ST18: variants seen among roughly 807,000 people sequenced by gnomAD.
ST18 encodes the protein ST18 C2H2C-type zinc finger transcription factor.
ST18 carries 50 observed loss-of-function variants against 110.0 expected under a neutral mutation model. The ratio of observed to expected loss-of-function variants is 0.45; its 90% CI spans 0.36 to 0.58. The LOEUF is 0.58. ST18 is among the 20% of genes least tolerant of loss of function. The pLI is 0.00. For synonymous variants in ST18, 461 were observed against 452.4 expected (o/e 1.02, Z -0.24); for missense variants, 1,306 against 1,280.1 (o/e 1.02, Z -0.31).
chr8:52,157,675 C>T (rs2060368519), intron 15 of ST18, among the ~76,000 whole-genome samples: 1 of 152,046 alleles, frequency 6.6e-6, no homozygotes, highest in Non-Finnish European at 1.5e-5. Flanking sequence ...GTTTAAGAAC[C>T]TCATTTGTTT....
rs1315339203 is a variant in ST18, at chr8:52,145,885, A to G, written c.2053-2840T>C. ...AACTGACAGCCCTAGTTATTTCTCA[A>G]CACTTTCCTTTCGAGATATTTTGAG... is the stretch of plus-strand genomic sequence containing the variant. On this transcript the variant is annotated intron_variant, in intron 16 of 25. Transcript: ENST00000689386. 8.5e-5 allele frequency among the ~76,000 whole-genome samples: 13 copies of G among 152,334 alleles called. No homozygotes were observed. In the East Asian group the frequency reaches 1.5e-3, roughly 18 times the overall value.
intron 2 of ST18, among the ~76,000 whole-genome samples, chr8:52,318,888 G>C (rs1027796056): frequency 1.3e-5 from 2 of 151,612 alleles, no homozygotes; most frequent in Admixed American, 6.6e-5. Flanking sequence ...ATGGACACAT[G>C]GGGGGGTGGG....
At position 52,220,860 on chromosome 8, in the gene ST18, A is replaced by G. The variant is rs563690530; in HGVS notation, c.-264-12T>C. On this transcript the variant is annotated splice_polypyrimidine_tract_variant and intron_variant, in intron 4 of 25. Transcript: ENST00000689386. ...TCCTGAAATTCATTCTATTGAGATA[A>G]GAAATCAAACAAGAAAAGCATATCA... 7 of 152,356 alleles carry G rather than the reference A, an allele frequency of 4.6e-5. No individual in the cohort carries two copies. Among genetic ancestry groups the G allele is most frequent in the Non-Finnish European group, 7.3e-5 (5 of 68,028 alleles). 9.4% of individuals were successfully genotyped at this position (152,356 alleles called of 1,614,324 possible). A position where few individuals can be genotyped will look rare whatever the true frequency, so the allele number is the denominator to read the frequency against.
At chr8:52,239,539 G>A (rs1302138772) in intron 2 of ST18, among the ~76,000 whole-genome samples, 2 of 152,106 alleles carry the variant, frequency 1.3e-5, no homozygotes, top group African/African-American at 4.8e-5. Flanking sequence ...CCTAGATAAG[G>A]TGGAGGTGGT....
At chr8:52,342,582 C>G (rs1377919025) in intron 2 of ST18, among the ~76,000 whole-genome samples, 1 of 152,188 alleles carries the variant, frequency 6.6e-6, no homozygotes, top group Non-Finnish European at 1.5e-5. Context: ...CCTCAGCCAG[C>G]TGGGCAGCAC....
chr8:52,381,369 T>G (rs1834449997), intron 2 of ST18, among the ~76,000 whole-genome samples: 1 of 152,176 alleles, frequency 6.6e-6, no homozygotes, highest in Admixed American at 6.5e-5. Context: ...ATATGCCATC[T>G]TATGCTTCTC....
chr8:52,163,033 GC>G (rs1458113532), intron 13 of ST18, among the ~76,000 whole-genome samples: 1 of 152,128 alleles, frequency 6.6e-6, no homozygotes, highest in East Asian at 1.9e-4. Flanking sequence ...TAAGAAATGA[GC>G]AAAATGAAAT....
intron 2 of ST18, among the ~76,000 whole-genome samples, chr8:52,325,550 T>A (rs1011093277): frequency 1.3e-5 from 2 of 152,234 alleles, no homozygotes; most frequent in Non-Finnish European, 2.9e-5. Flanking sequence ...TATCTATGTA[T>A]TGTTATAATT....
intron 2 of ST18, among the ~76,000 whole-genome samples, chr8:52,256,093 C>T (rs2094520298): frequency 6.6e-6 from 1 of 152,202 alleles, no homozygotes; most frequent in Non-Finnish European, 1.5e-5. Context: ...TCCATCAAAA[C>T]AAAGCCAGTC....
chr8:52,328,822 A>G (rs1807733858), intron 2 of ST18, among the ~76,000 whole-genome samples: 1 of 152,240 alleles, frequency 6.6e-6, no homozygotes, highest in Non-Finnish European at 1.5e-5. Context: ...CATGTGGATG[A>G]AAGTGTGCCA....
chr8:52,370,756 C>A (rs944632888), intron 2 of ST18, among the ~76,000 whole-genome samples: 2 of 152,166 alleles, frequency 1.3e-5, no homozygotes, highest in East Asian at 3.9e-4. Flanking sequence ...CCCTTGCCTT[C>A]AGGGGCTCTT....
Position 52,149,908 on chromosome 8 carries a change from T to G in ST18, c.1876A>C (p.Lys626Gln). Residue 626 changes from lysine (K) to glutamine (Q), a missense_variant, in exon 16 of 26, where the codon AAG becomes CAG. Physicochemically the swap from Lys to Gln is moderately conservative, Grantham distance 53. Coordinates refer to ENST00000689386, the MANE Select transcript of ST18 (RefSeq NM_001352837.2). ...TTAGAGGAAGTTAGGGGTGCAGACTTGTCCAGGATTCGATTTTTTTTCATG... is the reference window on the plus strand; with the variant it reads ...TTAGAGGAAGTTAGGGGTGCAGACTGGTCCAGGATTCGATTTTTTTTCATG... Reference protein sequence around the residue: ...LSMKKNRILDKSAPLTSSNTS... With the variant: ...LSMKKNRILDQSAPLTSSNTS... 6.2e-7 allele frequency: 1 copy of G among 1,614,130 alleles called. No individual in the cohort carries two copies. Among genetic ancestry groups the G allele is most frequent in the East Asian group, 2.2e-5 (1 of 44,884 alleles).
intron 15 of ST18, 88 bp downstream of exon 15, chr8:52,158,810 G>A (rs1006539860): frequency 2.1e-6 from 3 of 1,425,902 alleles, no homozygotes; most frequent in Middle Eastern, 2.4e-4. Flanking sequence ...GGAGCAGAGT[G>A]GTAGTGAATG....
intron 2 of ST18, among the ~76,000 whole-genome samples, chr8:52,309,795 G>T (rs1351864250): frequency 1.3e-5 from 2 of 151,994 alleles, no homozygotes; most frequent in Non-Finnish European, 2.9e-5. Flanking sequence ...AGACCACCAT[G>T]ACCTACTCAG....
chr8:52,320,044 C>A (rs1364428415), intron 2 of ST18, among the ~76,000 whole-genome samples: 1 of 152,178 alleles, frequency 6.6e-6, no homozygotes, highest in African/African-American at 2.4e-5. Flanking sequence ...GAGACAGAAA[C>A]TCTCTACCTC....
chr8:52,316,134 A>G (rs2096020914), intron 2 of ST18, among the ~76,000 whole-genome samples: 1 of 152,214 alleles, frequency 6.6e-6, no homozygotes, highest in Admixed American at 6.5e-5. Flanking sequence ...CACAGGTCAA[A>G]TTAAAATTTC....
chr8:52,262,859 G>A (rs2094737672), intron 2 of ST18, among the ~76,000 whole-genome samples: 1 of 152,130 alleles, frequency 6.6e-6, no homozygotes, highest in African/African-American at 2.4e-5. Flanking sequence ...TCTAGCCTGG[G>A]AAAAACTTTA....
intron 2 of ST18, among the ~76,000 whole-genome samples, chr8:52,250,511 C>T (rs944449372): frequency 3.7e-5 from 5 of 135,142 alleles, no homozygotes; most frequent in Non-Finnish European, 7.8e-5. Context: ...ATAAACAATG[C>T]CACAGTACAA....
At chr8:52,295,181 C>T (rs2139417373) in intron 2 of ST18, among the ~76,000 whole-genome samples, 1 of 152,194 alleles carries the variant, frequency 6.6e-6, no homozygotes, top group African/African-American at 2.4e-5. Flanking sequence ...CATTTGTATG[C>T]TAATCACGAG....
Sources: allele counts gnomAD v4.1 joint callset (sites outside exome capture counted in the v4.1 genomes callset), GRCh38; gene constraint gnomAD v4.1.1; transcripts MANE v1.5; gene names NCBI Gene and HGNC (gene_info 2026-07-23, HGNC 2026-07-21).